Variants in ZNF609 observed in about 807,000 individuals in gnomAD.
ZNF609 encodes zinc finger protein 609.
ZNF609 carries 11 observed loss-of-function variants against 109.5 expected under a neutral mutation model. That is an observed-to-expected ratio of 0.10 (90% confidence interval 0.06 to 0.17). ZNF609 has a LOEUF of 0.17. Among genes scored for constraint, ZNF609 ranks in the 10% least tolerant of loss-of-function variants. ZNF609 has a pLI of 1.00. For missense variants in ZNF609, 1,559 were observed against 1,772.4 expected, an observed-to-expected ratio of 0.88 and a Z score of 2.16; for synonymous variants, 646 against 662.0, an observed-to-expected ratio of 0.98 and a Z score of 0.37.
rs749359068 is a variant in ZNF609 at position 64,678,169 on chromosome 15, C to G, written c.3456C>G (p.Ile1152Met). 2 of 1,613,856 alleles carry G rather than the reference C, an allele frequency of 1.2e-6. No homozygotes were observed. The highest frequency in any genetic ancestry group is 1.7e-6 in the Non-Finnish European group (2 of 1,179,920). ...TYVYPAKYSD[I>M]KSEDERWKEE... ...TTTATCCTGCCAAGTACTCAGACAT[C>G]AAGTCAGAGGATGAGCGGTGGAAGG... Residue 1152 changes from isoleucine to methionine, a missense_variant, in exon 6 of 10, where the codon ATC (isoleucine) becomes ATG (methionine). Transcript: ENST00000326648.
intron 2 of ZNF609, among the ~76,000 whole-genome samples, chr15:64,506,496 G>T (rs1454690106): frequency 6.6e-6 from 1 of 150,522 alleles, no homozygotes; most frequent in African/African-American, 2.4e-5. Flanking sequence ...CAAGGCGGGT[G>T]GATCACCTGA....
chr15:64,546,580 T>C (rs1311998843), intron 2 of ZNF609, among the ~76,000 whole-genome samples: 8 of 151,598 alleles, frequency 5.3e-5, no homozygotes. Context: ...TCAAGCAATC[T>C]TTCTACTTTA....
intron 2 of ZNF609, among the ~76,000 whole-genome samples, chr15:64,543,291 T>C (rs1894301232): frequency 1.4e-5 from 2 of 147,050 alleles, no homozygotes; most frequent in Admixed American, 1.4e-4. Flanking sequence ...TCATCTACCA[T>C]TCCTTCTTTA....
At chr15:64,631,575 C>T (rs1329135542) in intron 3 of ZNF609, 1 of 491,950 alleles carries the variant, frequency 2.0e-6, no homozygotes, top group Non-Finnish European at 3.8e-6. Flanking sequence ...TCTTGTTGCC[C>T]AGGCTGGAGT....
At chr15:64,588,709 G>A (rs1002719076) in intron 2 of ZNF609, among the ~76,000 whole-genome samples, 1 of 151,184 alleles carries the variant, frequency 6.6e-6, no homozygotes, top group African/African-American at 2.4e-5. Flanking sequence ...GAATGCAATG[G>A]CAAATGGCAA....
chr15:64,529,627 C>T, intron 2 of ZNF609: 1 of 949,156 alleles, frequency 1.1e-6, no homozygotes, highest in Non-Finnish European at 1.7e-6. Flanking sequence ...GCACCAGGCA[C>T]CCAGTACGAC....
chr15:64,541,106 A>G (rs1426966688), intron 2 of ZNF609, among the ~76,000 whole-genome samples: 3 of 150,010 alleles, frequency 2.0e-5, no homozygotes, highest in Non-Finnish European at 4.4e-5. Flanking sequence ...TCTCCATCAT[A>G]TAGGAAATAT....
chr15:64,554,442 A>T (rs1376445441), intron 2 of ZNF609, among the ~76,000 whole-genome samples: 1 of 152,056 alleles, frequency 6.6e-6, no homozygotes, highest in African/African-American at 2.4e-5. Context: ...GGAGTTCAAG[A>T]CCAGCCTGGA....
chr15:64,612,067 G>T (rs1167524524), intron 2 of ZNF609, among the ~76,000 whole-genome samples: 1 of 151,568 alleles, frequency 6.6e-6, no homozygotes, highest in Non-Finnish European at 1.5e-5. Flanking sequence ...CAATAGAACA[G>T]CCTTCACTGC....
chr15:64,681,385 A>G lies in ZNF609; in HGVS notation c.*3A>G. 6.2e-7 allele frequency: 1 copy of G among 1,613,458 alleles called. No homozygotes were observed. The highest frequency in any genetic ancestry group is 8.5e-7 in the Non-Finnish European group (1 of 1,179,510). On this transcript the variant is annotated splice_region_variant and 3_prime_UTR_variant, in exon 9 of 10. Coordinates refer to ENST00000326648, the MANE Select transcript of ZNF609 (RefSeq NM_015042.2). ...TCTACCCACCCCCCAGGAGGTGAGA[A>G]TGGTAAGTCACTTTTATTAATTTGG... is the stretch of plus-strand genomic sequence containing the variant.
At chr15:64,524,328 G>A (rs1893938071) in intron 2 of ZNF609, among the ~76,000 whole-genome samples, 1 of 152,244 alleles carries the variant, frequency 6.6e-6, no homozygotes, top group African/African-American at 2.4e-5. Flanking sequence ...CACTTTGGGA[G>A]GCCAAGGCAG....
chr15:64,617,695 G>A (rs1281702996), intron 2 of ZNF609, among the ~76,000 whole-genome samples: 13 of 152,208 alleles, frequency 8.5e-5, no homozygotes, highest in Middle Eastern at 3.4e-3. Flanking sequence ...TAGGAGAATC[G>A]CCTGAATCTG....
chr15:64,479,062 G>C (rs1239077148), intron 1 of ZNF609, among the ~76,000 whole-genome samples: 1 of 152,094 alleles, frequency 6.6e-6, no homozygotes, highest in Non-Finnish European at 1.5e-5. Flanking sequence ...GGCCCTTCCA[G>C]TTGCAGAGCT....
At chr15:64,568,541 C>G (rs554375742) in intron 2 of ZNF609, among the ~76,000 whole-genome samples, 1 of 152,210 alleles carries the variant, frequency 6.6e-6, no homozygotes, top group Admixed American at 6.5e-5. Context: ...GATTTCCATG[C>G]GTCAGTAGTT....
intron 2 of ZNF609, among the ~76,000 whole-genome samples, chr15:64,605,100 G>C (rs1895573015): frequency 6.6e-6 from 1 of 152,036 alleles, no homozygotes; most frequent in Non-Finnish European, 1.5e-5. Flanking sequence ...CAAAGTGCTG[G>C]GATTACAGGC....
At chr15:64,557,772 G>T (rs7169157) in intron 2 of ZNF609, among the ~76,000 whole-genome samples, 6 of 152,136 alleles carry the variant, frequency 3.9e-5, no homozygotes, top group Middle Eastern at 3.4e-3. Flanking sequence ...TCTCGGCCCA[G>T]TGCAAGCTGC....
At chr15:64,550,737 G>A (rs1276209671) in intron 2 of ZNF609, among the ~76,000 whole-genome samples, 4 of 150,702 alleles carry the variant, frequency 2.7e-5, no homozygotes, top group East Asian at 2.0e-4. Flanking sequence ...TTGAGAGGCC[G>A]AGACAGGAGA....
intron 2 of ZNF609, among the ~76,000 whole-genome samples, chr15:64,553,976 T>G (rs1408942514): frequency 6.6e-6 from 1 of 152,216 alleles, no homozygotes; most frequent in Non-Finnish European, 1.5e-5. Flanking sequence ...GTAGCTTCTT[T>G]TAAGATTCCA....
rs886438511 is a variant in ZNF609, at chr15:64,675,764, G to A, written c.2910G>A (p.Gln970=). 1.2e-6 allele frequency: 2 copies of A among 1,614,218 alleles called. No homozygotes were observed. The highest frequency in any genetic ancestry group is 4.5e-5 in the East Asian group (2 of 44,890). Residue 970 remains glutamine, a synonymous_variant, in exon 5 of 10, where the codon CAG becomes CAA. Coordinates refer to ENST00000326648, the MANE Select transcript of ZNF609 (RefSeq NM_015042.2). ...VIQQRPNMYM[Q]SLYYNQYAYV... ...AGCAGCGTCCCAATATGTACATGCA[G>A]TCCCTGTACTACAACCAGTATGCCT...
Sources: allele counts gnomAD v4.1 joint callset (sites outside exome capture counted in the v4.1 genomes callset), GRCh38; gene constraint gnomAD v4.1.1; transcripts MANE v1.5; gene names NCBI Gene and HGNC (gene_info 2026-07-23, HGNC 2026-07-21).